ILDR2: variants seen among roughly 807,000 people sequenced by gnomAD.
ILDR2 encodes immunoglobulin-like domain-containing receptor 2.
Under a neutral mutation model 66.8 loss-of-function variants are expected in ILDR2, and 25 were observed. The ratio of observed to expected loss-of-function variants is 0.37; its 90% CI spans 0.27 to 0.52. The LOEUF is 0.52. ILDR2 is among the 20% of genes least tolerant of loss of function. ILDR2 has a pLI of 0.88. For missense variants in ILDR2, 827 were observed against 876.8 expected, an observed-to-expected ratio of 0.94 and a Z score of 0.72; for synonymous variants, 367 against 357.2, an observed-to-expected ratio of 1.03 and a Z score of -0.31.
intron 1 of ILDR2, among the ~76,000 whole-genome samples, chr1:166,965,950 A>G (rs1304143181): frequency 2.0e-5 from 3 of 152,178 alleles, no homozygotes; most frequent in Admixed American, 6.5e-5. Flanking sequence ...GAGTTTGGTC[A>G]TAATTCAGAC....
rs1196915724 is a variant in ILDR2, at chr1:166,921,900, GGACAGAT to G, written c.1212-528_1212-522del. Among the ~76,000 whole-genome samples, 2 of 152,144 alleles carry G rather than the reference GGACAGAT, an allele frequency of 1.3e-5. No homozygotes were observed. Among genetic ancestry groups the G allele is most frequent in the Non-Finnish European group, 2.9e-5 (2 of 68,022 alleles). On this transcript the variant is annotated intron_variant, in intron 8 of 9. Transcript: ENST00000271417. This position sits in a 1 kb window ranked among gnomAD's most constrained non-coding sequence, Gnocchi z 5.3. ...AATGTTCACTGTCTTTTAAGGTAAA[GGACAGAT>G]GAGTGGTGAAGGTGCTATTTAGGGG... is the stretch of plus-strand genomic sequence containing the variant.
At chr1:166,954,430 T>C (rs1345165018) in intron 3 of ILDR2, among the ~76,000 whole-genome samples, 1 of 152,178 alleles carries the variant, frequency 6.6e-6, no homozygotes, top group Non-Finnish European at 1.5e-5. Context: ...TCAGAAAAAT[T>C]TTTGTAGATT....
chr1:166,927,800 T>C (rs1660392354), intron 6 of ILDR2, among the ~76,000 whole-genome samples: 1 of 152,260 alleles, frequency 6.6e-6, no homozygotes, highest in East Asian at 1.9e-4. Context: ...TTCCATTTCA[T>C]TTCTTTAGCA....
chr1:166,922,696 T>A lies in ILDR2; in HGVS notation c.1108A>T (p.Asn370Tyr). ...ATGACACCTGACCAATAGTCAGGAT[T>A]GCTCTCCAAGTCCCCAGACACAGGG... ...QFPVSGDLES[N>Y]PDYWSGVMGG... The change falls in exon 8 of 10, where the codon AAT (asparagine) becomes TAT (tyrosine). Residue 370 changes from asparagine (N) to tyrosine (Y), a missense_variant. Asn to Tyr is a moderately radical substitution (Grantham distance 143). Coordinates refer to ENST00000271417, the MANE Select transcript of ILDR2 (RefSeq NM_199351.3). The A allele has an allele frequency of 6.2e-7, 1 of 1,614,224 alleles. No individual in the cohort carries two copies.
chr1:166,938,797 G>A (rs958735115), intron 4 of ILDR2, among the ~76,000 whole-genome samples: 4 of 152,192 alleles, frequency 2.6e-5, no homozygotes, highest in African/African-American at 9.7e-5. Context: ...GTTTAGATAT[G>A]TTCTTCCCCA....
intron 1 of ILDR2, among the ~76,000 whole-genome samples, chr1:166,963,128 A>C (rs1291478056): frequency 6.6e-6 from 1 of 152,144 alleles, no homozygotes; most frequent in Non-Finnish European, 1.5e-5. Flanking sequence ...TAGTTTTGAT[A>C]ATTTCCTCTC....
chr1:166,908,989 C>A lies in ILDR2; in HGVS notation c.*10366G>T, dbSNP rs895400249. On this transcript the variant is annotated 3_prime_UTR_variant, in exon 10 of 10. Coordinates refer to ENST00000271417, the MANE Select transcript of ILDR2 (RefSeq NM_199351.3). ...TTGTGTATGTGTTTTGTCTGCCCAG[C>A]ATCACTATTCTCACTTCTTCTATTA... 3 of 152,212 alleles carry A rather than the reference C, an allele frequency of 2.0e-5. No homozygotes were observed. 9.4% of individuals were successfully genotyped at this position (152,212 alleles called of 1,614,324 possible).
At chr1:166,898,921 A>G (rs1167247499) in intron 2 of ILDR2, among the ~76,000 whole-genome samples, 1 of 151,882 alleles carries the variant, frequency 6.6e-6, no homozygotes, top group Admixed American at 6.6e-5. Context: ...TTAGCCGGAC[A>G]TGGTGGCACA....
intron 2 of ILDR2, among the ~76,000 whole-genome samples, chr1:166,957,552 T>C (rs1662352594): frequency 6.6e-6 from 1 of 152,176 alleles, no homozygotes; most frequent in Non-Finnish European, 1.5e-5. Context: ...AGTTCATCTG[T>C]ATGTCTTCAG....
intron 3 of ILDR2, among the ~76,000 whole-genome samples, chr1:166,949,381 C>T (rs952591237): frequency 2.0e-5 from 3 of 152,220 alleles, no homozygotes; most frequent in African/African-American, 7.2e-5. Flanking sequence ...AGAAATATAT[C>T]TTTTATCTTC....
At chr1:166,941,860 A>C (rs1010002014) in intron 3 of ILDR2, among the ~76,000 whole-genome samples, 4 of 152,228 alleles carry the variant, frequency 2.6e-5, no homozygotes, top group African/African-American at 9.6e-5. Context: ...TAAGCTACCA[A>C]TTCGTGGGCT....
chr1:166,950,507 G>C (rs1661909587), intron 3 of ILDR2, among the ~76,000 whole-genome samples: 1 of 152,130 alleles, frequency 6.6e-6, no homozygotes, highest in Admixed American at 6.5e-5. Flanking sequence ...AACTGAGGCA[G>C]CAGTAACACA....
At position 166,917,131 on chromosome 1, in the gene ILDR2, C is replaced by T. The variant is rs1468342417; in HGVS notation, c.*2224G>A. ...CTAGGCTTTCAGAGGCCAGGGACAC[C>T]AGCAAGTCTAAAACTCAGCACCAGG... On this transcript the variant is annotated 3_prime_UTR_variant, in exon 10 of 10. Transcript: ENST00000271417. The T allele has an allele frequency of 6.6e-6, 1 of 152,222 alleles. No homozygotes were observed. Among genetic ancestry groups the T allele is most frequent in the Non-Finnish European group, 1.5e-5 (1 of 68,062 alleles). The allele number at this position is 152,222 out of a possible 1,614,324, so 9.4% of individuals were successfully genotyped here. A position where few individuals can be genotyped will look rare whatever the true frequency, so the allele number is the denominator to read the frequency against.
At chr1:166,904,981 C>CAAGATA (rs1203894100), downstream of ILDR2, among the ~76,000 whole-genome samples, 1 of 152,154 alleles carries the variant, frequency 6.6e-6, no homozygotes, top group East Asian at 1.9e-4. Context: ...TGCTAGGTAA[C>CAAGATA]AAGATAAAGG....
intron 3 of ILDR2, among the ~76,000 whole-genome samples, chr1:166,946,392 G>A (rs1005583362): frequency 1.3e-5 from 2 of 152,032 alleles, no homozygotes; most frequent in African/African-American, 4.8e-5. Flanking sequence ...AGTCTTAAAG[G>A]AGAATAATTC....
rs1374906141 is a variant in ILDR2 at position 166,975,371 on chromosome 1, G to A, written c.-103C>T. On this transcript the variant is annotated 5_prime_UTR_variant, in exon 1 of 10. Transcript: ENST00000271417. ...CGGCAGCGGGCGGCGGCGGAGCGGC[G>A]GGCACCGGGCGTCCCTGGGCGCAGC... The A allele has an allele frequency of 6.6e-6, 6 of 907,198 alleles. No individual in the cohort carries two copies. The highest frequency in any genetic ancestry group is 2.6e-5 in the Admixed American group (1 of 38,892). 56.2% of individuals were successfully genotyped at this position (907,198 alleles called of 1,614,324 possible).
At chr1:166,946,393 A>T (rs1661613574) in intron 3 of ILDR2, among the ~76,000 whole-genome samples, 1 of 152,216 alleles carries the variant, frequency 6.6e-6, no homozygotes, top group Non-Finnish European at 1.5e-5. Context: ...GTCTTAAAGG[A>T]GAATAATTCT....
At chr1:166,952,540 C>T (rs530920022) in intron 3 of ILDR2, among the ~76,000 whole-genome samples, 21 of 152,244 alleles carry the variant, frequency 1.4e-4, no homozygotes, top group African/African-American at 4.6e-4. Flanking sequence ...TCTGAAACCA[C>T]TGAAAGAGCC....
At chr1:166,943,082 G>C (rs1294883903) in intron 3 of ILDR2, among the ~76,000 whole-genome samples, 1 of 152,180 alleles carries the variant, frequency 6.6e-6, no homozygotes, top group African/African-American at 2.4e-5. Context: ...GGTAGTGTAG[G>C]TGATATGTGC....
Sources: gnomAD v4.1 joint callset for allele counts (sites outside exome capture counted in the v4.1 genomes callset) on GRCh38, gnomAD v4.1.1 for gene constraint, Gnocchi (gnomAD v3.1) non-coding constraint, MANE v1.5 for transcripts, NCBI Gene and HGNC (gene_info 2026-07-23, HGNC 2026-07-21) for gene names.